The following CARS1 variants were observed in gnomAD, a reference collection of about 807,000 sequenced individuals.
CARS1 encodes cysteine--tRNA ligase, cytoplasmic.
Under a neutral mutation model 106.2 loss-of-function variants are expected in CARS1, and 48 were observed. The ratio of observed to expected loss-of-function variants is 0.45; its 90% CI spans 0.36 to 0.57. The LOEUF is 0.57. Ranked by LOEUF, CARS1 falls within the 20% of genes least tolerant of loss-of-function variation. The pLI, the probability that CARS1 is intolerant of heterozygous loss-of-function variation, is 0.00. For synonymous variants in CARS1, 409 were observed against 403.4 expected (o/e 1.01, Z -0.17); for missense variants, 968 against 1,057.2 (o/e 0.92, Z 1.17).
chr11:3,035,384 G>C (rs2134229395), intron 7 of CARS1, among the ~76,000 whole-genome samples: 1 of 152,336 alleles, frequency 6.6e-6, no homozygotes, highest in East Asian at 1.9e-4. Context: ...CACATTCATT[G>C]ACTGATGAAA....
In CARS1 at chr11:3,001,038, A is replaced by G. The variant is rs1849353223; in HGVS notation, c.*76T>C. ...CAAGGGTGACTGTAAACATGATAGG[A>G]GCGCTGGGACATTGTCACTGAGGCA... On this transcript the variant is annotated 3_prime_UTR_variant, in exon 23 of 23. Transcript: ENST00000380525. 4.6e-6 allele frequency: 7 copies of G among 1,514,620 alleles called. No homozygotes were observed. In the African/African-American group the frequency reaches 6.8e-5, roughly 15 times the overall value. 93.8% of individuals were successfully genotyped at this position (1,514,620 alleles called of 1,614,324 possible).
At chr11:3,023,010 T>C (rs1261921273) in intron 10 of CARS1, among the ~76,000 whole-genome samples, 1 of 152,200 alleles carries the variant, frequency 6.6e-6, no homozygotes, top group Non-Finnish European at 1.5e-5. Flanking sequence ...CATGTCCCTC[T>C]TTGGTCCTGC....
At chr11:3,051,849 G>A (rs957337038) in intron 1 of CARS1, among the ~76,000 whole-genome samples, 2 of 152,122 alleles carry the variant, frequency 1.3e-5, no homozygotes, top group African/African-American at 2.4e-5. Context: ...TGGACTCCAC[G>A]ACAGCAAGAG....
In CARS1 at chr11:3,039,736, A is replaced by C. The variant is rs1854174088; in HGVS notation, c.552+99T>G. 1.6e-6 allele frequency: 1 copy of C among 610,904 alleles called. No homozygotes were observed. Among genetic ancestry groups the C allele is most frequent in the South Asian group, 2.2e-5 (1 of 46,356 alleles). 37.8% of individuals were successfully genotyped at this position (610,904 alleles called of 1,614,324 possible). ...AATGATGTTTATCAGGTGAAAACACAAGCTAGCTCAAGCCTACATTATTTA... is the reference window on the plus strand; with the variant it reads ...AATGATGTTTATCAGGTGAAAACACCAGCTAGCTCAAGCCTACATTATTTA... On this transcript the variant is annotated intron_variant, in intron 5 of 22. Transcript: ENST00000380525. The surrounding 1 kb of genome is among the most constrained non-coding windows in gnomAD (Gnocchi z 5.6).
At position 3,039,928 on chromosome 11, in the gene CARS1, G is replaced by A; in HGVS notation, c.459C>T (p.Ser153=). 3.2e-6 allele frequency: 5 copies of A among 1,555,992 alleles called. No homozygotes were observed. The highest frequency in any genetic ancestry group is 4.4e-6 in the Non-Finnish European group (5 of 1,141,572). ...TTCTCAAGATATCAAAAGAGATGTAGGACCTAAAGCAATGAAAAAACAAAC... is the reference window on the plus strand; with the variant it reads ...TTCTCAAGATATCAAAAGAGATGTAAGACCTAAAGCAATGAAAAAACAAAC... ...YDASHMGHAR[S]YISFDILRRV... Residue 153 remains serine (S), a synonymous_variant, in exon 5 of 23, where the codon TCC becomes TCT. Coordinates refer to ENST00000380525, the MANE Select transcript of CARS1 (RefSeq NM_001014437.3). This position sits in a 1 kb window ranked among gnomAD's most constrained non-coding sequence, Gnocchi z 5.6.
intron 9 of CARS1, chr11:3,027,165 C>G: frequency 5.5e-6 from 1 of 181,288 alleles, no homozygotes; most frequent in South Asian, 1.2e-4. Flanking sequence ...CTCCAAGAAG[C>G]ACTCTAGATT....
In CARS1 at chr11:3,033,840, A is replaced by C. The variant is rs76709895; in HGVS notation, c.801+4210T>G. Among the ~76,000 whole-genome samples, 4 of 152,218 alleles carry C rather than the reference A, an allele frequency of 2.6e-5. No individual in the cohort carries two copies. The East Asian group carries it at 7.7e-4, about 29-fold the overall frequency. On this transcript the variant is annotated intron_variant, in intron 7 of 22. Coordinates refer to ENST00000380525, the MANE Select transcript of CARS1 (RefSeq NM_001014437.3). ...TTGACAAGCTGAGGCTTCAAAACAC[A>C]CCTAACGACAAAACCAAGATGGGGC...
At position 3,004,576 on chromosome 11, in the gene CARS1, AG is replaced by A. The variant is rs2134080394; in HGVS notation, c.2217+789del. Among the ~76,000 whole-genome samples the A allele has an allele frequency of 6.6e-6, 1 of 152,304 alleles. No homozygotes were observed. Among genetic ancestry groups the A allele is most frequent in the East Asian group, 1.9e-4 (1 of 5,178 alleles). On this transcript the variant is annotated intron_variant, in intron 20 of 22. Transcript: ENST00000380525. The surrounding 1 kb of genome is among the most constrained non-coding windows in gnomAD (Gnocchi z 5.2). ...CTCCCATGGTGTGCACTGGGGGCCC[AG>A]GTGCCTCTCATCCTGCTGCCTGCAT...
At chr11:3,001,753 G>A (rs1276449597) in intron 22 of CARS1, among the ~76,000 whole-genome samples, 1 of 152,222 alleles carries the variant, frequency 6.6e-6, no homozygotes, top group Non-Finnish European at 1.5e-5. Flanking sequence ...CACACCAGTG[G>A]AGGGGGCCCT....
At chr11:3,015,912 G>T in intron 16 of CARS1, 63 bp from the exon 17 acceptor site, 1 of 1,364,002 alleles carries the variant, frequency 7.3e-7, no homozygotes, top group Non-Finnish European at 1.0e-6. Context: ...GTGGCGAGCA[G>T]CTGTGAGCTG....
intron 1 of CARS1, among the ~76,000 whole-genome samples, chr11:3,056,146 G>A (rs374167694): frequency 1.3e-5 from 2 of 152,286 alleles, no homozygotes; most frequent in South Asian, 2.1e-4. Flanking sequence ...TCCCCATGCC[G>A]CCAGATTACT....
chr11:3,052,407 G>A lies in CARS1; in HGVS notation c.26-4406C>T, dbSNP rs891068589. On this transcript the variant is annotated intron_variant, in intron 1 of 22. Transcript: ENST00000380525. The surrounding 1 kb of genome is among the most constrained non-coding windows in gnomAD (Gnocchi z 4.6). ...CATCATTATTATCATAATCGCTCTG[G>A]TATTATTAATGTTATTGTAATAGCC... Among the ~76,000 whole-genome samples the A allele has an allele frequency of 1.3e-5, 2 of 152,186 alleles. No individual in the cohort carries two copies. The highest frequency in any genetic ancestry group is 2.4e-5 in the African/African-American group (1 of 41,442).
chr11:3,052,422 T>C lies in CARS1; in HGVS notation c.26-4421A>G, dbSNP rs2134316892. Among the ~76,000 whole-genome samples, 1 of 152,370 alleles carries C rather than the reference T, an allele frequency of 6.6e-6. No individual in the cohort carries two copies. The highest frequency in any genetic ancestry group is 3.4e-3 in the Middle Eastern group (1 of 294). Reference sequence around the variant, plus strand: ...AATCGCTCTGGTATTATTAATGTTATTGTAATAGCCGCATGCTACACACAG... The same window carrying C: ...AATCGCTCTGGTATTATTAATGTTACTGTAATAGCCGCATGCTACACACAG... On this transcript the variant is annotated intron_variant, in intron 1 of 22. Transcript: ENST00000380525. This position sits in a 1 kb window ranked among gnomAD's most constrained non-coding sequence, Gnocchi z 4.6.
intron 19 of CARS1, 82 bp from the exon 20 acceptor site, chr11:3,005,515 CT>C: frequency 1.9e-6 from 2 of 1,062,374 alleles, no homozygotes; most frequent in Non-Finnish European, 2.9e-6. Flanking sequence ...CTGCCCTGCC[CT>C]GCCCAGACCA....
rs1352983322 is a variant in CARS1, at chr11:3,020,744, G to C, written c.1154-412C>G. ...TCAGGGATCCTGCCTGGTTCATGCGGGTGGGGTCAATATGTCAAGGGCCCG... is the reference window on the plus strand; with the variant it reads ...TCAGGGATCCTGCCTGGTTCATGCGCGTGGGGTCAATATGTCAAGGGCCCG... On this transcript the variant is annotated intron_variant, in intron 10 of 22. Coordinates refer to ENST00000380525, the MANE Select transcript of CARS1 (RefSeq NM_001014437.3). This position sits in a 1 kb window ranked among gnomAD's most constrained non-coding sequence, Gnocchi z 4.6. Among the ~76,000 whole-genome samples the C allele has an allele frequency of 2.0e-5, 3 of 152,214 alleles. No homozygotes were observed. Among genetic ancestry groups the C allele is most frequent in the Non-Finnish European group, 4.4e-5 (3 of 68,038 alleles).
intron 1 of CARS1, among the ~76,000 whole-genome samples, chr11:3,049,678 T>G (rs1855461465): frequency 6.6e-6 from 1 of 152,246 alleles, no homozygotes; most frequent in African/African-American, 2.4e-5. Context: ...GGCCACCCCT[T>G]GCTGTGCCAG....
chr11:3,055,169 T>C (rs953073598), intron 1 of CARS1: 1 of 568,854 alleles, frequency 1.8e-6, no homozygotes, highest in Non-Finnish European at 3.1e-6. Flanking sequence ...GATTGGATTT[T>C]TTTTTTTTTG....
chr11:3,005,471 T>G, intron 19 of CARS1, 38 bp from the exon 20 acceptor site: 1 of 1,558,384 alleles, frequency 6.4e-7, no homozygotes, highest in Non-Finnish European at 8.9e-7. Flanking sequence ...GTCTGGGCTC[T>G]GTGGGCCGTC....
At chr11:3,006,680 A>T (rs1420198229) in intron 19 of CARS1, among the ~76,000 whole-genome samples, 199 bp downstream of exon 19, 1 of 152,184 alleles carries the variant, frequency 6.6e-6, no homozygotes, top group African/African-American at 2.4e-5. Flanking sequence ...CAGCAGTGGG[A>T]AGGAGCTACG....
Sources: gnomAD v4.1 joint callset for allele counts (sites outside exome capture counted in the v4.1 genomes callset) on GRCh38, gnomAD v4.1.1 for gene constraint, Gnocchi (gnomAD v3.1) non-coding constraint, MANE v1.5 for transcripts, NCBI Gene and HGNC (gene_info 2026-07-23, HGNC 2026-07-21) for gene names.